The following CTDSPL variants were observed in gnomAD, a reference collection of about 807,000 sequenced individuals.
The protein encoded by CTDSPL is CTD small phosphatase like.
CTDSPL carries 8 observed loss-of-function variants against 30.5 expected under a neutral mutation model. The ratio of observed to expected loss-of-function variants is 0.26; its 90% CI spans 0.15 to 0.47. CTDSPL has a LOEUF of 0.47. Among genes scored for constraint, CTDSPL ranks in the 20% least tolerant of loss-of-function variants. The pLI is 0.99. For missense variants in CTDSPL, 248 were observed against 366.1 expected, an observed-to-expected ratio of 0.68 and a Z score of 2.63; for synonymous variants, 110 against 137.9, an observed-to-expected ratio of 0.80 and a Z score of 1.42.
intron 1 of CTDSPL, among the ~76,000 whole-genome samples, chr3:37,903,199 C>A (rs980044409): frequency 1.3e-5 from 2 of 152,136 alleles, no homozygotes; most frequent in African/African-American, 4.8e-5. Flanking sequence ...GAAGGGGCAG[C>A]CGGTCCGATT....
rs377147722 is a variant in CTDSPL, at chr3:37,960,559, C to T, written c.267+3416C>T. 1.4e-3 allele frequency among the ~76,000 whole-genome samples: 172 copies of T among 125,480 alleles called. 1 individual carries two copies. The highest frequency in any genetic ancestry group is 8.9e-3 in the Middle Eastern group (2 of 224). 82.3% of individuals were successfully genotyped at this position (125,480 alleles called of 152,430 possible). On this transcript the variant is annotated intron_variant, in intron 3 of 7. Transcript: ENST00000273179. ...ATACACACACACACACACACACACA[C>T]ACACACACACACACACACAATTAGC...
At chr3:37,966,320 G>GA (rs1699298035) in intron 4 of CTDSPL, among the ~76,000 whole-genome samples, 1 of 152,216 alleles carries the variant, frequency 6.6e-6, no homozygotes, top group Non-Finnish European at 1.5e-5. Flanking sequence ...AGTCCTTTGA[G>GA]AATCTGAAAG....
intron 3 of CTDSPL, among the ~76,000 whole-genome samples, chr3:37,961,123 G>A (rs1414789541): frequency 6.6e-6 from 1 of 152,146 alleles, no homozygotes; most frequent in Non-Finnish European, 1.5e-5. Context: ...AAGGCATGAA[G>A]TAGGAAGCTA....
At chr3:37,864,967 ACT>A (rs1436463319) in intron 1 of CTDSPL, among the ~76,000 whole-genome samples, 2 of 152,138 alleles carry the variant, frequency 1.3e-5, no homozygotes, top group Non-Finnish European at 1.5e-5. Flanking sequence ...TACATTAAAG[ACT>A]CTGCCTGGTT....
intron 1 of CTDSPL, among the ~76,000 whole-genome samples, chr3:37,881,984 T>C (rs1698210567): frequency 6.6e-6 from 1 of 152,196 alleles, no homozygotes; most frequent in South Asian, 2.1e-4. Flanking sequence ...AATTGTGATA[T>C]TTATTCTCTG....
At position 37,879,502 on chromosome 3, in the gene CTDSPL, G is replaced by A. The variant is rs59723369; in HGVS notation, c.79+17224G>A. On this transcript the variant is annotated intron_variant, in intron 1 of 7. Coordinates refer to ENST00000273179, the MANE Select transcript of CTDSPL (RefSeq NM_001008392.2). The stretch of plus-strand genomic sequence containing the variant: ...AGTCTGGCCAAAGGCCACCTTTTGA[G>A]CCTCCTATGCGGGATTCTCCTTCTG... Among the ~76,000 whole-genome samples the A allele has an allele frequency of 8.1e-3, 1,228 of 152,318 alleles. 16 individuals are homozygous for A. The highest frequency in any genetic ancestry group is 0.027 in the African/African-American group (1,139 of 41,564).
chr3:37,932,072 G>A (rs1158145355), intron 1 of CTDSPL, among the ~76,000 whole-genome samples: 3 of 151,958 alleles, frequency 2.0e-5, no homozygotes, highest in African/African-American at 7.3e-5. Flanking sequence ...GGCACAAGCA[G>A]GAGAATGGAA....
At chr3:37,953,466 T>C (rs1699133320) in intron 2 of CTDSPL, among the ~76,000 whole-genome samples, 1 of 152,190 alleles carries the variant, frequency 6.6e-6, no homozygotes, top group African/African-American at 2.4e-5. Context: ...GTAATCCACA[T>C]ATTCAGAAAG....
intron 1 of CTDSPL, among the ~76,000 whole-genome samples, chr3:37,874,282 G>A (rs1028799062): frequency 4.6e-5 from 7 of 152,202 alleles, no homozygotes; most frequent in African/African-American, 1.7e-4. Flanking sequence ...ACCACTTCAA[G>A]TTTAATTCTG....
At chr3:37,956,120 A>G (rs1256759561) in intron 2 of CTDSPL, among the ~76,000 whole-genome samples, 1 of 152,236 alleles carries the variant, frequency 6.6e-6, no homozygotes, top group Non-Finnish European at 1.5e-5. Context: ...AGGAAATGAT[A>G]CTTGCTCTTA....
intron 2 of CTDSPL, among the ~76,000 whole-genome samples, chr3:37,952,991 G>C (rs1343694773): frequency 6.6e-6 from 1 of 152,070 alleles, no homozygotes; most frequent in Non-Finnish European, 1.5e-5. Context: ...ATTTTTTCCA[G>C]TAGCCACATT....
At chr3:37,928,356 A>G (rs1233365464) in intron 1 of CTDSPL, among the ~76,000 whole-genome samples, 1 of 152,254 alleles carries the variant, frequency 6.6e-6, no homozygotes, top group African/African-American at 2.4e-5. Context: ...ACAATGCACA[A>G]GCATTTCAGT....
intron 1 of CTDSPL, among the ~76,000 whole-genome samples, chr3:37,926,730 T>C (rs1300037938): frequency 1.3e-5 from 2 of 152,202 alleles, no homozygotes; most frequent in Non-Finnish European, 2.9e-5. Flanking sequence ...CTTTTGTCCA[T>C]AGATAAGTAT....
At chr3:37,980,472 C>A (rs900248271) in intron 7 of CTDSPL, among the ~76,000 whole-genome samples, 1 of 152,184 alleles carries the variant, frequency 6.6e-6, no homozygotes, top group Non-Finnish European at 1.5e-5. Context: ...TATGCTCTGG[C>A]CACCTTTTTC....
rs58061973 is a variant in CTDSPL, at chr3:37,964,032, T to TAAAAAAAAA, written c.268-510_268-502dup. Among the ~76,000 whole-genome samples, 10 of 22,990 alleles carry TAAAAAAAAA rather than the reference T, an allele frequency of 4.3e-4. 2 individuals are homozygous for TAAAAAAAAA. Among genetic ancestry groups the TAAAAAAAAA allele is most frequent in the Admixed American group, 1.5e-3 (2 of 1,330 alleles). The allele number at this position is 22,990 out of a possible 152,430, so 15.1% of individuals were successfully genotyped here. ...CAAGTTTTTTAAAAATCTCAGTCAC[T>TAAAAAAAAA]AAAAAAAAAAAAAAAAAAAAAAAAA... On this transcript the variant is annotated intron_variant, in intron 3 of 7. Coordinates refer to ENST00000273179, the MANE Select transcript of CTDSPL (RefSeq NM_001008392.2).
chr3:37,958,734 T>C (rs755099602), intron 3 of CTDSPL, among the ~76,000 whole-genome samples: 27 of 152,232 alleles, frequency 1.8e-4, no homozygotes, highest in Non-Finnish European at 3.2e-4. Flanking sequence ...GTGTCCTACA[T>C]GTGAGATGTT....
At chr3:37,952,975 C>G (rs1257319762) in intron 2 of CTDSPL, among the ~76,000 whole-genome samples, 1 of 152,158 alleles carries the variant, frequency 6.6e-6, no homozygotes, top group Admixed American at 6.5e-5. Flanking sequence ...TCACATGTAT[C>G]ATTTAATTTT....
At chr3:37,904,971 C>T (rs2125602950) in intron 1 of CTDSPL, among the ~76,000 whole-genome samples, 1 of 152,288 alleles carries the variant, frequency 6.6e-6, no homozygotes, top group East Asian at 1.9e-4. Context: ...CTCCTCACTG[C>T]CTACAAGAAA....
chr3:37,888,737 T>G (rs1337869575), intron 1 of CTDSPL, among the ~76,000 whole-genome samples: 1 of 152,258 alleles, frequency 6.6e-6, no homozygotes, highest in East Asian at 1.9e-4. Flanking sequence ...TCTTTAGGCC[T>G]AGCATCATCC....
Sources: gnomAD v4.1 joint callset for allele counts (sites outside exome capture counted in the v4.1 genomes callset) on GRCh38, gnomAD v4.1.1 for gene constraint, MANE v1.5 for transcripts, NCBI Gene and HGNC (gene_info 2026-07-23, HGNC 2026-07-21) for gene names.